VAV3: variants seen among roughly 807,000 people sequenced by gnomAD.
The protein encoded by VAV3 is vav guanine nucleotide exchange factor 3.
VAV3 carries 94 observed loss-of-function variants against 131.2 expected under a neutral mutation model. The ratio of observed to expected loss-of-function variants is 0.72; its 90% CI spans 0.61 to 0.85. The LOEUF (loss-of-function observed/expected upper bound fraction) is 0.85. Ranked by LOEUF, VAV3 falls within the 40% of genes least tolerant of loss-of-function variation. The pLI, the probability that VAV3 is intolerant of heterozygous loss-of-function variation, is 0.00. For synonymous variants in VAV3, 349 were observed against 342.0 expected (o/e 1.02, Z -0.22); for missense variants, 939 against 1,002.7 (o/e 0.94, Z 0.86).
At chr1:107,673,122 A>G (rs1657939158) in intron 19 of VAV3, among the ~76,000 whole-genome samples, 1 of 152,210 alleles carries the variant, frequency 6.6e-6, no homozygotes, top group African/African-American at 2.4e-5. Context: ...AAAAATTAGA[A>G]AGACTAATGT....
chr1:107,730,456 A>G (rs565490512), intron 15 of VAV3, among the ~76,000 whole-genome samples: 4 of 152,334 alleles, frequency 2.6e-5, no homozygotes, highest in African/African-American at 9.6e-5. Flanking sequence ...TAACTGGGAG[A>G]AGAAAACACC....
intron 19 of VAV3, among the ~76,000 whole-genome samples, chr1:107,647,176 C>T (rs932426687): frequency 6.7e-6 from 1 of 150,212 alleles, no homozygotes; most frequent in African/African-American, 2.5e-5. Context: ...GTTATCACTG[C>T]CCTAATGCAA....
chr1:107,710,547 T>C (rs1434361619), intron 15 of VAV3, among the ~76,000 whole-genome samples: 1 of 152,128 alleles, frequency 6.6e-6, no homozygotes, highest in Non-Finnish European at 1.5e-5. Flanking sequence ...TGCTAAACAG[T>C]CTTATTTTTA....
At chr1:107,760,170 T>C (rs1363891309) in intron 10 of VAV3, among the ~76,000 whole-genome samples, 1 of 151,762 alleles carries the variant, frequency 6.6e-6, no homozygotes, top group Non-Finnish European at 1.5e-5. Context: ...ATCAGCAGAG[T>C]TGACAGACTA....
intron 1 of VAV3, among the ~76,000 whole-genome samples, chr1:107,887,559 AT>A (rs1671097309): frequency 2.0e-5 from 3 of 152,196 alleles, no homozygotes; most frequent in Non-Finnish European, 4.4e-5. Flanking sequence ...TGTCCCCAGA[AT>A]ACCCATATTT....
chr1:107,657,400 T>C (rs35380619), intron 19 of VAV3, among the ~76,000 whole-genome samples: 4,370 of 152,350 alleles, frequency 0.029, 92 homozygotes, highest in South Asian at 0.052. Flanking sequence ...TCAGTTTTTA[T>C]TTTTTAAGAA....
chr1:107,889,197 A>G (rs1031334096), intron 1 of VAV3, among the ~76,000 whole-genome samples: 5 of 149,820 alleles, frequency 3.3e-5, no homozygotes, highest in Non-Finnish European at 5.9e-5. Context: ...GGCTATTTTC[A>G]GGGCATATAA....
rs191993123 is a variant in VAV3, at chr1:107,906,393, G to A, written c.205-31376C>T. The stretch of plus-strand genomic sequence containing the variant: ...TAAAATAACAAATCGGGCTGGGCAC[G>A]GTGGCTCACGCCTGTAATCCCAGCA... On this transcript the variant is annotated intron_variant, in intron 1 of 26. Transcript: ENST00000370056. 5.3e-5 allele frequency among the ~76,000 whole-genome samples: 8 copies of A among 152,286 alleles called. No individual in the cohort carries two copies. The East Asian group carries it at 7.7e-4, about 15-fold the overall frequency.
At chr1:107,728,420 A>G (rs1013520934) in intron 15 of VAV3, among the ~76,000 whole-genome samples, 1 of 152,212 alleles carries the variant, frequency 6.6e-6, no homozygotes, top group East Asian at 1.9e-4. Context: ...GAAGTCTGAG[A>G]CCATCCAGTA....
intron 19 of VAV3, among the ~76,000 whole-genome samples, chr1:107,655,310 T>C (rs1656464132): frequency 6.6e-6 from 1 of 152,022 alleles, no homozygotes; most frequent in African/African-American, 2.4e-5. Flanking sequence ...AACTCAGATA[T>C]AAATCCATGC....
intron 1 of VAV3, among the ~76,000 whole-genome samples, chr1:107,902,280 C>G (rs1671899346): frequency 6.6e-6 from 1 of 152,152 alleles, no homozygotes; most frequent in Admixed American, 6.5e-5. Flanking sequence ...AAAAGGCCAT[C>G]TGTGATTGAA....
chr1:107,865,053 A>G (rs928926558), intron 2 of VAV3, among the ~76,000 whole-genome samples: 16 of 152,284 alleles, frequency 1.1e-4, no homozygotes, highest in Admixed American at 6.5e-4. Context: ...CCACAATTCC[A>G]TGCAGTAGGG....
At chr1:107,907,911 A>G (rs1244398507) in intron 1 of VAV3, among the ~76,000 whole-genome samples, 1 of 152,224 alleles carries the variant, frequency 6.6e-6, no homozygotes, top group Non-Finnish European at 1.5e-5. Flanking sequence ...GTTTAGAAAG[A>G]TATGCGTTAT....
intron 1 of VAV3, among the ~76,000 whole-genome samples, chr1:107,903,727 CTATCT>C (rs1671977038): frequency 6.6e-6 from 1 of 152,112 alleles, no homozygotes; most frequent in South Asian, 2.1e-4. Context: ...CCAGAAATTC[CTATCT>C]TAACATTCCC....
intron 1 of VAV3, among the ~76,000 whole-genome samples, chr1:107,882,742 C>T (rs182726027): frequency 3.8e-4 from 58 of 152,166 alleles, no homozygotes; most frequent in Middle Eastern, 6.8e-3. Context: ...CCTTTTCCCC[C>T]GTGTATCAGT....
intron 19 of VAV3, among the ~76,000 whole-genome samples, chr1:107,679,449 T>C (rs1658449443): frequency 6.6e-6 from 1 of 151,996 alleles, no homozygotes; most frequent in South Asian, 2.1e-4. Context: ...CCACATAATC[T>C]TTAGGCAGCA....
intron 19 of VAV3, among the ~76,000 whole-genome samples, chr1:107,680,278 T>C (rs1391729344): frequency 6.6e-6 from 1 of 151,652 alleles, no homozygotes; most frequent in Non-Finnish European, 1.5e-5. Context: ...TTGGTAAAGA[T>C]AAGCAAAAGA....
chr1:107,697,728 C>T (rs568159152), intron 17 of VAV3, among the ~76,000 whole-genome samples: 2 of 152,200 alleles, frequency 1.3e-5, no homozygotes, highest in Admixed American at 6.5e-5. Context: ...TAAGTCCATC[C>T]GGTCTTGAGA....
chr1:107,621,047 G>C (rs1653556152), intron 20 of VAV3, among the ~76,000 whole-genome samples: 1 of 151,090 alleles, frequency 6.6e-6, no homozygotes, highest in Admixed American at 6.6e-5. Context: ...AAACTGAACT[G>C]TTCTGGGTAA....
Sources: allele counts gnomAD v4.1 joint callset (sites outside exome capture counted in the v4.1 genomes callset), GRCh38; gene constraint gnomAD v4.1.1; transcripts MANE v1.5; gene names NCBI Gene and HGNC (gene_info 2026-07-23, HGNC 2026-07-21).